Variants in RALA observed in about 807,000 individuals in gnomAD.
The protein encoded by RALA is ras-related protein Ral-A.
RALA carries 5 observed loss-of-function variants against 24.0 expected under a neutral mutation model. That is an observed-to-expected ratio of 0.21 (90% CI 0.11 to 0.44). The LOEUF (loss-of-function observed/expected upper bound fraction) is 0.44, where lower values mean the gene tolerates loss of function less well. RALA is among the 20% of genes least tolerant of loss of function. RALA has a pLI of 0.99. For missense variants in RALA, 95 were observed against 241.2 expected (o/e 0.39, Z 4.01); for synonymous variants, 77 against 83.8 (o/e 0.92, Z 0.44).
At chr7:39,625,761 A>G (rs765244373) in intron 1 of RALA, among the ~76,000 whole-genome samples, 1 of 152,214 alleles carries the variant, frequency 6.6e-6, no homozygotes, top group African/African-American at 2.4e-5. Flanking sequence ...TTGTGAGGGA[A>G]TATTTTTGTC....
chr7:39,689,828 G>T (rs1346579319), intron 2 of RALA, among the ~76,000 whole-genome samples: 1 of 152,196 alleles, frequency 6.6e-6, no homozygotes, highest in Non-Finnish European at 1.5e-5. Context: ...TGGGGCTGAC[G>T]ATAGGAGTGG....
At chr7:39,633,009 T>C (rs532834822) in intron 1 of RALA, among the ~76,000 whole-genome samples, 5 of 152,332 alleles carry the variant, frequency 3.3e-5, no homozygotes, top group Admixed American at 1.3e-4. Flanking sequence ...GATTTCATTT[T>C]GTTTTTTACC....
intron 1 of RALA, among the ~76,000 whole-genome samples, chr7:39,680,260 T>C (rs569265765): frequency 6.6e-6 from 1 of 151,910 alleles, no homozygotes; most frequent in South Asian, 2.1e-4. Flanking sequence ...TCCCAGCTAC[T>C]CGGGAGGCTG....
chr7:39,667,027 C>G (rs895022407), intron 1 of RALA, among the ~76,000 whole-genome samples: 1 of 152,204 alleles, frequency 6.6e-6, no homozygotes, highest in Admixed American at 6.5e-5. Flanking sequence ...CCTTTCTCTT[C>G]TCTCCTATTT....
At chr7:39,625,074 A>G (rs1013610416) in intron 1 of RALA, among the ~76,000 whole-genome samples, 5 of 152,206 alleles carry the variant, frequency 3.3e-5, no homozygotes, top group Non-Finnish European at 7.4e-5. Context: ...GACTGTTTCT[A>G]TGCAGTATGC....
chr7:39,665,750 G>C (rs981518479), intron 1 of RALA, among the ~76,000 whole-genome samples: 4 of 150,746 alleles, frequency 2.7e-5, no homozygotes, highest in Non-Finnish European at 5.9e-5. Context: ...ATCTTTTTAT[G>C]TTTAAGAGAA....
At chr7:39,674,092 G>A (rs1307305563) in intron 1 of RALA, among the ~76,000 whole-genome samples, 24 of 139,600 alleles carry the variant, frequency 1.7e-4, no homozygotes, top group Admixed American at 1.4e-3. Flanking sequence ...TAAATAAAAG[G>A]TTGAGGGGGG....
At chr7:39,649,249 T>G (rs1399425338) in intron 1 of RALA, among the ~76,000 whole-genome samples, 1 of 152,178 alleles carries the variant, frequency 6.6e-6, no homozygotes, top group Non-Finnish European at 1.5e-5. Flanking sequence ...ATGTGTTAAG[T>G]AGGCAGTTAC....
chr7:39,625,934 T>C (rs965909384), intron 1 of RALA, among the ~76,000 whole-genome samples: 3 of 152,238 alleles, frequency 2.0e-5, no homozygotes, highest in African/African-American at 4.8e-5. Context: ...CTTGTAGATA[T>C]GCATATCAGT....
intron 1 of RALA, among the ~76,000 whole-genome samples, chr7:39,647,024 TG>T (rs1162968290): frequency 6.6e-6 from 1 of 152,188 alleles, no homozygotes; most frequent in Non-Finnish European, 1.5e-5. Flanking sequence ...TGAGTATTCC[TG>T]TTAGCTTATG....
intron 1 of RALA, among the ~76,000 whole-genome samples, chr7:39,635,855 AACAGGCC>A (rs1327803781): frequency 1.3e-5 from 2 of 152,160 alleles, no homozygotes; most frequent in African/African-American, 4.8e-5. Flanking sequence ...CCCAGTTCCT[AACAGGCC>A]ACAGACTGGT....
At chr7:39,675,129 G>A (rs992686368) in intron 1 of RALA, among the ~76,000 whole-genome samples, 17 of 152,164 alleles carry the variant, frequency 1.1e-4, no homozygotes, top group Admixed American at 1.1e-3. Context: ...TAATAATTAT[G>A]TGTGTGAAAC....
chr7:39,652,042 G>T (rs1792026000), intron 1 of RALA, among the ~76,000 whole-genome samples: 1 of 152,180 alleles, frequency 6.6e-6, no homozygotes, highest in African/African-American at 2.4e-5. Context: ...ATATTCTGGA[G>T]GCTGGGAGGT....
chr7:39,666,124 T>C (rs759284993), intron 1 of RALA, among the ~76,000 whole-genome samples: 7 of 152,170 alleles, frequency 4.6e-5, no homozygotes, highest in Non-Finnish European at 8.8e-5. Flanking sequence ...TTTTTCCTGC[T>C]TTCCTTGGAA....
intron 1 of RALA, among the ~76,000 whole-genome samples, chr7:39,663,089 A>G (rs545644531): frequency 6.6e-6 from 1 of 152,152 alleles, no homozygotes; most frequent in Non-Finnish European, 1.5e-5. Flanking sequence ...CCCATGATTC[A>G]GTTGTCTCCC....
chr7:39,639,164 T>A (rs1389697176), intron 1 of RALA, among the ~76,000 whole-genome samples: 1 of 152,212 alleles, frequency 6.6e-6, no homozygotes, highest in Admixed American at 6.5e-5. Flanking sequence ...GTAGCATATT[T>A]CTGGTCACAA....
At chr7:39,648,168 T>C (rs1018026706) in intron 1 of RALA, among the ~76,000 whole-genome samples, 1 of 152,144 alleles carries the variant, frequency 6.6e-6, no homozygotes, top group Non-Finnish European at 1.5e-5. Context: ...AGGGGCCCAG[T>C]GGCCTGGGTT....
At chr7:39,673,005 T>C (rs569527460) in intron 1 of RALA, among the ~76,000 whole-genome samples, 2 of 152,264 alleles carry the variant, frequency 1.3e-5, no homozygotes, top group Non-Finnish European at 2.9e-5. Flanking sequence ...TTTCAACATA[T>C]GGCAAAACAC....
At chr7:39,625,004 T>C (rs984103170) in intron 1 of RALA, among the ~76,000 whole-genome samples, 1 of 152,228 alleles carries the variant, frequency 6.6e-6, no homozygotes, top group Non-Finnish European at 1.5e-5. Context: ...TGAAGTATTA[T>C]CTGACAACAC....
Sources: allele counts gnomAD v4.1 joint callset (sites outside exome capture counted in the v4.1 genomes callset), GRCh38; gene constraint gnomAD v4.1.1; transcripts MANE v1.5; gene names NCBI Gene and HGNC (gene_info 2026-07-23, HGNC 2026-07-21).